The following NAV2 variants were observed in gnomAD, a reference collection of about 807,000 sequenced individuals.
NAV2 encodes the protein neuron navigator 2, also known as helicase, APC down-regulated 1.
Under a neutral mutation model 223.2 loss-of-function variants are expected in NAV2, and 54 were observed. The ratio of observed to expected loss-of-function variants is 0.24; its 90% CI spans 0.19 to 0.30. The LOEUF is 0.30. NAV2 is among the 10% of genes least tolerant of loss of function. The pLI is 1.00. For synonymous variants in NAV2, 1,279 were observed against 1,239.3 expected (o/e 1.03, Z -0.67); for missense variants, 2,806 against 3,147.5 (o/e 0.89, Z 2.60).
chr11:19,915,743 G>T (rs141429257), intron 6 of NAV2, among the ~76,000 whole-genome samples: 10 of 152,316 alleles, frequency 6.6e-5, no homozygotes, highest in Non-Finnish European at 1.0e-4. Flanking sequence ...AGGTTCCGTG[G>T]TTATCTTGTT....
At chr11:19,391,920 T>A (rs1379822603) in intron 1 of NAV2, among the ~76,000 whole-genome samples, 1 of 152,202 alleles carries the variant, frequency 6.6e-6, no homozygotes, top group Non-Finnish European at 1.5e-5. Flanking sequence ...CTCCTGTATA[T>A]GTGTTTATTT....
intron 1 of NAV2, among the ~76,000 whole-genome samples, chr11:19,406,140 T>G (rs1350549177): frequency 6.6e-6 from 1 of 152,112 alleles, no homozygotes; most frequent in Non-Finnish European, 1.5e-5. Context: ...TGGCTTGGCT[T>G]TTGTATTCTC....
At chr11:19,803,283 C>T (rs183970576) in intron 1 of NAV2, among the ~76,000 whole-genome samples, 8 of 152,306 alleles carry the variant, frequency 5.3e-5, no homozygotes, top group Non-Finnish European at 7.3e-5. Context: ...TCACACAGAG[C>T]GCATCAGCTT....
chr11:19,666,942 G>A (rs2048428094), intron 1 of NAV2, among the ~76,000 whole-genome samples: 1 of 152,188 alleles, frequency 6.6e-6, no homozygotes, highest in South Asian at 2.1e-4. Context: ...CATGCAAACA[G>A]TTTGAAAACT....
chr11:19,399,627 C>T (rs1849602791), intron 1 of NAV2, among the ~76,000 whole-genome samples: 1 of 152,116 alleles, frequency 6.6e-6, no homozygotes, highest in South Asian at 2.1e-4. Context: ...GATGGCAGAC[C>T]CTGTGCTAAG....
At chr11:19,422,549 A>G (rs993365773) in intron 1 of NAV2, among the ~76,000 whole-genome samples, 1 of 152,178 alleles carries the variant, frequency 6.6e-6, no homozygotes, top group Non-Finnish European at 1.5e-5. Flanking sequence ...TCCTGTCCCA[A>G]CAGGAAGCCG....
intron 4 of NAV2, among the ~76,000 whole-genome samples, chr11:19,879,172 C>T (rs1475161336): frequency 2.0e-5 from 3 of 152,108 alleles, no homozygotes; most frequent in Non-Finnish European, 4.4e-5. Context: ...ATTTTATTCT[C>T]CTCTGCAACT....
chr11:19,946,250 T>C, intron 8 of NAV2, 151 bp from the exon 9 acceptor site: 1 of 607,864 alleles, frequency 1.6e-6, no homozygotes, highest in Non-Finnish European at 2.7e-6. Flanking sequence ...TTCCATTCAA[T>C]CATTCATTCA....
At chr11:19,673,903 C>T (rs1321233348) in intron 1 of NAV2, among the ~76,000 whole-genome samples, 1 of 152,196 alleles carries the variant, frequency 6.6e-6, no homozygotes, top group East Asian at 1.9e-4. Flanking sequence ...CCTGCCCTTC[C>T]TTTTCCTGCC....
chr11:19,814,968 G>A (rs1372047496), intron 1 of NAV2, among the ~76,000 whole-genome samples: 2 of 152,146 alleles, frequency 1.3e-5, no homozygotes, highest in African/African-American at 2.4e-5. Context: ...AGGAAAGAGT[G>A]TGCTTCTCTT....
intron 11 of NAV2, among the ~76,000 whole-genome samples, chr11:19,987,353 A>C (rs2050887339): frequency 6.6e-6 from 1 of 152,200 alleles, no homozygotes; most frequent in Non-Finnish European, 1.5e-5. Context: ...GTATAAAAAG[A>C]TAGCCTGGTC....
At chr11:20,043,545 G>A (rs1004740861) in intron 12 of NAV2, among the ~76,000 whole-genome samples, 1 of 152,074 alleles carries the variant, frequency 6.6e-6, no homozygotes, top group Non-Finnish European at 1.5e-5. Flanking sequence ...TCCCCGGGGT[G>A]ATCCTCCCAC....
At chr11:19,830,400 T>G (rs2059867283) in intron 1 of NAV2, among the ~76,000 whole-genome samples, 1 of 152,220 alleles carries the variant, frequency 6.6e-6, no homozygotes, top group African/African-American at 2.4e-5. Flanking sequence ...AATAGGTTAG[T>G]CTGGGCTCAA....
intron 22 of NAV2, among the ~76,000 whole-genome samples, chr11:20,071,022 C>A (rs1350618192): frequency 2.6e-5 from 4 of 151,894 alleles, no homozygotes; most frequent in Admixed American, 2.0e-4. Context: ...TCGTTACGTA[C>A]GTATACATGT....
At position 19,471,768 on chromosome 11, in the gene NAV2, T is replaced by A. The variant is rs139601351; in HGVS notation, c.75+120741T>A. Among the ~76,000 whole-genome samples, 974 of 152,308 alleles carry A rather than the reference T, an allele frequency of 6.4e-3. 15 individuals carry two copies. The highest frequency in any genetic ancestry group is 0.022 in the African/African-American group (911 of 41,544). ...TGCTTAAACCGCTAAGTAAATCTAG[T>A]GGAGCTGCGGGCCCTACTGCACCTC... On this transcript the variant is annotated intron_variant, in intron 1 of 37. Coordinates refer to the NAV2 transcript ENST00000360655.
chr11:20,004,879 G>T (rs1034957354), intron 11 of NAV2, among the ~76,000 whole-genome samples: 15 of 152,070 alleles, frequency 9.9e-5, no homozygotes, highest in Admixed American at 9.8e-4. Context: ...AAGAGCAAAG[G>T]CTCCAGAATA....
chr11:19,921,854 C>T (rs900769728), intron 6 of NAV2, among the ~76,000 whole-genome samples: 10 of 152,194 alleles, frequency 6.6e-5, no homozygotes, highest in African/African-American at 1.9e-4. Context: ...TAGCACTGTG[C>T]CTGGCACAAA....
At chr11:20,115,276 G>A (rs1426078356) in intron 37 of NAV2, among the ~76,000 whole-genome samples, 2 of 152,068 alleles carry the variant, frequency 1.3e-5, no homozygotes, top group Admixed American at 1.3e-4. Context: ...CCATTGAGAT[G>A]AGCTAAGTCT....
rs901444103 is a variant in NAV2 at position 19,714,231 on chromosome 11, G to C, written c.267+269G>C. 4.4e-6 allele frequency: 3 copies of C among 675,092 alleles called. No individual in the cohort carries two copies. In the African/African-American group the frequency reaches 5.3e-5, roughly 12 times the overall value. 41.8% of individuals were successfully genotyped at this position (675,092 alleles called of 1,614,324 possible). A position where few individuals can be genotyped will look rare whatever the true frequency, so the allele number is the denominator to read the frequency against. ...CAGCATCTTCCTGGGGAGGAGGAAA[G>C]GTCGGGATGTTCTCAAAAAACGTGT... On this transcript the variant is annotated intron_variant, in intron 1 of 37. Transcript: ENST00000349880.
Sources: gnomAD v4.1 joint callset for allele counts (sites outside exome capture counted in the v4.1 genomes callset) on GRCh38, gnomAD v4.1.1 for gene constraint, MANE v1.5 for transcripts, NCBI Gene and HGNC (gene_info 2026-07-23, HGNC 2026-07-21) for gene names.